CNIH1: variants seen among roughly 807,000 people sequenced by gnomAD.
The protein encoded by CNIH1 is cornichon family member 1.
Under a neutral mutation model 20.2 loss-of-function variants are expected in CNIH1, and 12 were observed. The observed-to-expected ratio is 0.59, with a 90% confidence interval of 0.38 to 0.96. CNIH1 has a LOEUF of 0.96. Ranked by LOEUF, CNIH1 falls within the 40% of genes least tolerant of loss-of-function variation. The probability of loss-of-function intolerance (pLI) is 0.00; values close to 1 mark genes in which losing one functional copy is unlikely to be tolerated. For missense variants in CNIH1, 152 were observed against 178.8 expected, an observed-to-expected ratio of 0.85 and a Z score of 0.85; for synonymous variants, 69 against 63.3, an observed-to-expected ratio of 1.09 and a Z score of -0.43.
At chr14:54,430,946 C>T (rs955669415) in intron 3 of CNIH1, among the ~76,000 whole-genome samples, 2 of 152,178 alleles carry the variant, frequency 1.3e-5, no homozygotes, top group Non-Finnish European at 2.9e-5. Flanking sequence ...ATCCTTCTGC[C>T]TCAGCCTCCC....
At chr14:54,430,465 C>T (rs1296551388) in intron 3 of CNIH1, 61 bp from the exon 4 acceptor site, 1 of 1,490,070 alleles carries the variant, frequency 6.7e-7, no homozygotes, top group East Asian at 2.3e-5. Context: ...GATAAGAAAG[C>T]AGGTCTTTCT....
At chr14:54,434,510 C>G (rs967166754) in intron 2 of CNIH1, among the ~76,000 whole-genome samples, 2 of 152,186 alleles carry the variant, frequency 1.3e-5, no homozygotes, top group Admixed American at 6.5e-5. Flanking sequence ...GTGCTTTAAC[C>G]TGGCAAAGCT....
At chr14:54,436,728 G>A (rs1441029652) in intron 1 of CNIH1, 10 of 493,536 alleles carry the variant, frequency 2.0e-5, no homozygotes, top group Non-Finnish European at 3.4e-5. Context: ...ATCTCTACTC[G>A]AAATAATCTT....
intron 1 of CNIH1, 92 bp downstream of exon 1, chr14:54,441,155 C>G: frequency 7.6e-7 from 1 of 1,309,014 alleles, no homozygotes; most frequent in East Asian, 3.3e-5. Context: ...CGCGCAAAGC[C>G]CCGGCGGCCG....
At chr14:54,437,507 A>G (rs1447114767) in intron 1 of CNIH1, among the ~76,000 whole-genome samples, 1 of 152,204 alleles carries the variant, frequency 6.6e-6, no homozygotes, top group Non-Finnish European at 1.5e-5. Context: ...CAACCAAACA[A>G]CAATAGAAGG....
chr14:54,429,543 G>A lies in CNIH1; in HGVS notation c.407+718C>T, dbSNP rs568803618. Among the ~76,000 whole-genome samples the A allele has an allele frequency of 3.3e-5, 5 of 152,344 alleles. No homozygotes were observed. The South Asian group carries it at 1.0e-3, about 32-fold the overall frequency. Reference sequence around the variant, plus strand: ...GGAGGCCAAGGTGGGCGGATCACCTGAGGTCGGGAGTTCAAGACCAACCTG... The same window carrying A: ...GGAGGCCAAGGTGGGCGGATCACCTAAGGTCGGGAGTTCAAGACCAACCTG... On this transcript the variant is annotated intron_variant, in intron 4 of 4. Coordinates refer to ENST00000216416, the MANE Select transcript of CNIH1 (RefSeq NM_005776.3).
At chr14:54,441,104 C>A (rs982962677) in intron 1 of CNIH1, 143 bp downstream of exon 1, 26 of 864,454 alleles carry the variant, frequency 3.0e-5, no homozygotes, top group Non-Finnish European at 3.9e-5. Flanking sequence ...GCCCCCAGAC[C>A]CCTCGCCGCG....
In CNIH1 at chr14:54,441,348, G is replaced by T; in HGVS notation, c.-21C>A. ...GCCATGGCTGGGGAGGAGGAGCGGG[G>T]AGCGGCGCCGTTGCCAGCGGAGAAA... On this transcript the variant is annotated 5_prime_UTR_variant, in exon 1 of 5. Transcript: ENST00000216416. The T allele has an allele frequency of 1.3e-6, 2 of 1,486,366 alleles. No individual in the cohort carries two copies. The highest frequency in any genetic ancestry group is 1.3e-5 in the South Asian group (1 of 78,384). The allele number at this position is 1,486,366 out of a possible 1,614,324, so 92.1% of individuals were successfully genotyped here.
Position 54,441,168 on chromosome 14 carries a change from G to A in CNIH1, c.81+79C>T, listed in dbSNP as rs1350837790. ...GACGCGCAAAGCCCCGGCGGCCGTG[G>A]CGGCCCGGACCGCGGGCCCGGGGCG... On this transcript the variant is annotated intron_variant, in intron 1 of 4. Transcript: ENST00000216416. 1.2e-5 allele frequency: 17 copies of A among 1,363,270 alleles called. No individual in the cohort carries two copies. The Admixed American group carries it at 5.1e-4, about 41-fold the overall frequency. 84.4% of individuals were successfully genotyped at this position (1,363,270 alleles called of 1,614,324 possible).
intron 2 of CNIH1, among the ~76,000 whole-genome samples, chr14:54,433,025 G>A (rs1361194271): frequency 2.0e-5 from 3 of 152,156 alleles, no homozygotes; most frequent in African/African-American, 7.2e-5. Flanking sequence ...AATATTAAGT[G>A]AAGAAAAATT....
chr14:54,440,083 C>T (rs1477978141), intron 1 of CNIH1, among the ~76,000 whole-genome samples: 2 of 152,198 alleles, frequency 1.3e-5, no homozygotes, highest in Non-Finnish European at 2.9e-5. Flanking sequence ...CATAATCACA[C>T]TGCTTAGCAA....
intron 1 of CNIH1, among the ~76,000 whole-genome samples, chr14:54,440,615 C>G (rs376538393): frequency 7.2e-5 from 11 of 152,244 alleles, no homozygotes; most frequent in African/African-American, 2.6e-4. Context: ...GTTGAAACTC[C>G]AGCGGTCAAA....
In CNIH1 at chr14:54,428,698, A is replaced by C. The variant is rs1239175715; in HGVS notation, c.408-857T>G. Among the ~76,000 whole-genome samples the C allele has an allele frequency of 2.0e-5, 3 of 152,262 alleles. 1 individual carries two copies. The highest frequency in any genetic ancestry group is 3.8e-4 in the East Asian group (2 of 5,200). ...AGCCCGTTCCAGACATTTGCTATGG[A>C]AACTTATGAAATGAAAATTAACAGG... On this transcript the variant is annotated intron_variant, in intron 4 of 4. Transcript: ENST00000216416.
At chr14:54,431,614 T>C (rs1359724728) in intron 3 of CNIH1, among the ~76,000 whole-genome samples, 1 of 152,246 alleles carries the variant, frequency 6.6e-6, no homozygotes, top group Admixed American at 6.5e-5. Flanking sequence ...TATTATCTTT[T>C]ACAAATAACC....
chr14:54,438,885 T>C (rs1319642219), intron 1 of CNIH1, among the ~76,000 whole-genome samples: 1 of 152,128 alleles, frequency 6.6e-6, no homozygotes, highest in Admixed American at 6.5e-5. Flanking sequence ...CTCCTGCCAT[T>C]AGGACCCAAG....
intron 3 of CNIH1, 78 bp downstream of exon 3, chr14:54,432,030 C>T (rs2030958443): frequency 9.5e-6 from 6 of 631,908 alleles, no homozygotes; most frequent in East Asian, 7.1e-5. Context: ...AGGTGACTAG[C>T]ATGTAAGATA....
intron 3 of CNIH1, among the ~76,000 whole-genome samples, chr14:54,430,873 C>G (rs1293214862): frequency 6.6e-6 from 1 of 151,914 alleles, no homozygotes; most frequent in Non-Finnish European, 1.5e-5. Flanking sequence ...ACCCTGTAAC[C>G]CAGGCTGCAA....
chr14:54,438,032 T>A (rs920728748), intron 1 of CNIH1, among the ~76,000 whole-genome samples: 9 of 150,506 alleles, frequency 6.0e-5, no homozygotes, highest in African/African-American at 2.2e-4. Context: ...CAGGCTGGAG[T>A]GCAGTGGCAC....
chr14:54,438,982 C>A (rs968661080), intron 1 of CNIH1, among the ~76,000 whole-genome samples: 1 of 152,220 alleles, frequency 6.6e-6, no homozygotes, highest in African/African-American at 2.4e-5. Flanking sequence ...ACTACTCCCC[C>A]ACCATGAGTG....
Sources: gnomAD v4.1 joint callset for allele counts (sites outside exome capture counted in the v4.1 genomes callset) on GRCh38, gnomAD v4.1.1 for gene constraint, MANE v1.5 for transcripts, NCBI Gene and HGNC (gene_info 2026-07-23, HGNC 2026-07-21) for gene names.